DTL: variants seen among roughly 807,000 people sequenced by gnomAD.
The protein encoded by DTL is denticleless E3 ubiquitin protein ligase adapter.
DTL carries 46 observed loss-of-function variants against 87.0 expected under a neutral mutation model. The ratio of observed to expected loss-of-function variants is 0.53; its 90% CI spans 0.42 to 0.68. The LOEUF (loss-of-function observed/expected upper bound fraction) is 0.68, where lower values mean the gene tolerates loss of function less well. Ranked by LOEUF, DTL falls within the 30% of genes least tolerant of loss-of-function variation. DTL has a pLI of 0.00. For missense variants in DTL, 737 were observed against 869.4 expected (o/e 0.85, Z 1.91); for synonymous variants, 308 against 311.2 (o/e 0.99, Z 0.11).
At chr1:212,055,812 A>T (rs534607801) in intron 5 of DTL, among the ~76,000 whole-genome samples, 114 of 152,138 alleles carry the variant, frequency 7.5e-4, no homozygotes, top group African/African-American at 2.6e-3. Context: ...GGGCAGTTCC[A>T]CCTAGCCTGG....
chr1:212,053,279 T>G (rs1487094828), intron 5 of DTL, among the ~76,000 whole-genome samples: 1 of 152,160 alleles, frequency 6.6e-6, no homozygotes, highest in Non-Finnish European at 1.5e-5. Context: ...TTTCTTATGT[T>G]TTTTTTAAGA....
intron 7 of DTL, among the ~76,000 whole-genome samples, chr1:212,065,971 T>C (rs1371077572): frequency 4.6e-5 from 7 of 152,150 alleles, no homozygotes; most frequent in Admixed American, 6.5e-5. Context: ...GGATTACCGA[T>C]GTGAGCCACC....
At chr1:212,053,357 G>C (rs1373007116) in intron 5 of DTL, among the ~76,000 whole-genome samples, 2 of 151,860 alleles carry the variant, frequency 1.3e-5, no homozygotes, top group African/African-American at 4.8e-5. Context: ...CACCATGCCT[G>C]GCTAATTTCT....
chr1:212,087,189 T>G (rs1398875195), intron 13 of DTL, among the ~76,000 whole-genome samples: 1 of 152,198 alleles, frequency 6.6e-6, no homozygotes, highest in African/African-American at 2.4e-5. Flanking sequence ...AGTCTATAAT[T>G]GAACCCTTGC....
Position 212,035,906 on chromosome 1 carries a change from G to C in DTL, c.16G>C (p.Val6Leu). The C allele has an allele frequency of 6.2e-7, 1 of 1,614,112 alleles. No individual in the cohort carries two copies. The highest frequency in any genetic ancestry group is 8.5e-7 in the Non-Finnish European group (1 of 1,180,024). Reference protein sequence around the residue: MLFNSVLRQPQLGVLR... With the variant: MLFNSLLRQPQLGVLR... The stretch of plus-strand genomic sequence containing the variant: ...TCCGACCCTGATGCTCTTCAATTCG[G>C]TGCTCCGCCAGCCCCAGCTTGGCGT... Residue 6 changes from valine to leucine, a missense_variant, in exon 1 of 15, where the codon GTG becomes CTG. Coordinates refer to ENST00000366991, the MANE Select transcript of DTL (RefSeq NM_016448.4).
chr1:212,072,306 G>A (rs17018435), intron 11 of DTL, 93 bp downstream of exon 11: 18,499 of 929,574 alleles, frequency 0.02, 251 homozygotes, highest in African/African-American at 0.046. Context: ...ATGTAACCAC[G>A]TGCTATACTA....
intron 5 of DTL, among the ~76,000 whole-genome samples, chr1:212,062,315 A>C (rs1654351987): frequency 1.3e-5 from 2 of 152,192 alleles, no homozygotes; most frequent in South Asian, 4.1e-4. Context: ...GATAAATTGA[A>C]GTTCTCCTAT....
At chr1:212,066,242 G>A (rs1044775671) in intron 7 of DTL, among the ~76,000 whole-genome samples, 18 of 151,888 alleles carry the variant, frequency 1.2e-4, no homozygotes, top group African/African-American at 3.1e-4. Context: ...ACTATACACC[G>A]TGAACAGGAC....
At chr1:212,097,359 G>A (rs777714649) in intron 13 of DTL, among the ~76,000 whole-genome samples, 1 of 152,110 alleles carries the variant, frequency 6.6e-6, no homozygotes, top group Non-Finnish European at 1.5e-5. Flanking sequence ...TTTCCTGGGT[G>A]TTCTTTGAGC....
At chr1:212,080,908 C>G (rs1654972890) in intron 13 of DTL, among the ~76,000 whole-genome samples, 158 bp downstream of exon 13, 1 of 152,144 alleles carries the variant, frequency 6.6e-6, no homozygotes, top group Non-Finnish European at 1.5e-5. Context: ...TTCCCAAGCA[C>G]TACTATGTTT....
At chr1:212,053,610 C>T (rs1183367808) in intron 5 of DTL, among the ~76,000 whole-genome samples, 1 of 152,096 alleles carries the variant, frequency 6.6e-6, no homozygotes, top group Admixed American at 6.5e-5. Flanking sequence ...TTGTTTGAGA[C>T]AGGGTCTCAC....
At chr1:212,065,405 C>T (rs1654462757) in intron 7 of DTL, among the ~76,000 whole-genome samples, 1 of 151,548 alleles carries the variant, frequency 6.6e-6, no homozygotes, top group African/African-American at 2.4e-5. Flanking sequence ...CATAATTTTA[C>T]ATATTTTGGG....
chr1:212,041,942 A>T (rs181315446), intron 1 of DTL, among the ~76,000 whole-genome samples: 2 of 152,242 alleles, frequency 1.3e-5, no homozygotes, highest in Non-Finnish European at 2.9e-5. Flanking sequence ...ATTCATTCAG[A>T]TTATGTCTAT....
intron 11 of DTL, among the ~76,000 whole-genome samples, chr1:212,073,660 A>T (rs183332517): frequency 6.6e-6 from 1 of 152,254 alleles, no homozygotes; most frequent in East Asian, 1.9e-4. Context: ...CAATATCCTA[A>T]ATAGTCACAG....
intron 13 of DTL, among the ~76,000 whole-genome samples, 155 bp from the exon 14 acceptor site, chr1:212,100,097 G>A (rs556121889): frequency 1.8e-4 from 28 of 152,124 alleles, no homozygotes; most frequent in Non-Finnish European, 3.5e-4. Context: ...AAAGGAAAAT[G>A]ATAAAAGGGT....
intron 13 of DTL, among the ~76,000 whole-genome samples, chr1:212,095,666 T>C (rs1315411004): frequency 1.3e-5 from 2 of 152,218 alleles, no homozygotes; most frequent in African/African-American, 2.4e-5. Flanking sequence ...GTTTATATGG[T>C]GTATCACATG....
intron 2 of DTL, among the ~76,000 whole-genome samples, chr1:212,043,639 G>A (rs1667721679): frequency 6.6e-6 from 1 of 151,868 alleles, no homozygotes; most frequent in African/African-American, 2.4e-5. Flanking sequence ...AGGCAGCCTG[G>A]CCAACATGGT....
At chr1:212,040,339 A>C (rs1667598583) in intron 1 of DTL, among the ~76,000 whole-genome samples, 1 of 152,236 alleles carries the variant, frequency 6.6e-6, no homozygotes, top group Non-Finnish European at 1.5e-5. Flanking sequence ...ATCGTAGTTG[A>C]GTACAGTAGT....
At chr1:212,082,059 C>A (rs1655004303) in intron 13 of DTL, among the ~76,000 whole-genome samples, 1 of 152,052 alleles carries the variant, frequency 6.6e-6, no homozygotes, top group South Asian at 2.1e-4. Context: ...GTGACAAATA[C>A]CATTAAAGCC....
Sources: allele counts gnomAD v4.1 joint callset (sites outside exome capture counted in the v4.1 genomes callset), GRCh38; gene constraint gnomAD v4.1.1; transcripts MANE v1.5; gene names NCBI Gene and HGNC (gene_info 2026-07-23, HGNC 2026-07-21).